ULK2: variants seen among roughly 807,000 people sequenced by gnomAD.
ULK2 encodes the protein serine/threonine-protein kinase ULK2.
ULK2 carries 76 observed loss-of-function variants against 127.5 expected under a neutral mutation model. The ratio of observed to expected loss-of-function variants is 0.60; its 90% CI spans 0.50 to 0.72. The LOEUF is 0.72. Among genes scored for constraint, ULK2 ranks in the 30% least tolerant of loss-of-function variants. ULK2 has a pLI of 0.00. For missense variants in ULK2, 1,144 were observed against 1,295.9 expected, an observed-to-expected ratio of 0.88 and a Z score of 1.80; for synonymous variants, 452 against 461.9, an observed-to-expected ratio of 0.98 and a Z score of 0.28.
At chr17:19,858,925 G>A (rs1597822991) in intron 3 of ULK2, among the ~76,000 whole-genome samples, 1 of 151,826 alleles carries the variant, frequency 6.6e-6, no homozygotes, top group East Asian at 1.9e-4. Context: ...AGCCAGGATC[G>A]TGCCACTGCA....
rs534964461 is a variant in ULK2 at position 19,827,650 on chromosome 17, G to A, written c.788-1464C>T. Among the ~76,000 whole-genome samples the A allele has an allele frequency of 1.2e-4, 19 of 152,242 alleles. 1 individual carries two copies. Among genetic ancestry groups the A allele is most frequent in the African/African-American group, 3.6e-4 (15 of 41,558 alleles). On this transcript the variant is annotated intron_variant, in intron 10 of 26. Coordinates refer to ENST00000395544, the MANE Select transcript of ULK2 (RefSeq NM_014683.4). The stretch of plus-strand genomic sequence containing the variant: ...GGTTGGACCGGGCGTGGTGGCTCAC[G>A]CCTATAATCCCAGCACTTTGGGAGG...
rs1481181145 is a variant in ULK2, at chr17:19,830,207, T to C, written c.788-4021A>G. On this transcript the variant is annotated intron_variant, in intron 10 of 26. Transcript: ENST00000395544. ...CCACAAAACAAGTCTTAATAATTTTTTTTTTTAATCAGAGACAATGTTGCG... is the reference window on the plus strand; with the variant it reads ...CCACAAAACAAGTCTTAATAATTTTCTTTTTTAATCAGAGACAATGTTGCG... Among the ~76,000 whole-genome samples the C allele has an allele frequency of 2.6e-5, 4 of 152,074 alleles. No individual in the cohort carries two copies. In the South Asian group the frequency reaches 6.2e-4, roughly 24 times the overall value.
At chr17:19,851,794 G>A (rs2042021679) in intron 3 of ULK2, among the ~76,000 whole-genome samples, 1 of 151,948 alleles carries the variant, frequency 6.6e-6, no homozygotes, top group African/African-American at 2.4e-5. Flanking sequence ...GGAGGCCAAG[G>A]CGGGTCGGAT....
intron 20 of ULK2, among the ~76,000 whole-genome samples, chr17:19,788,385 T>C (rs1205259767): frequency 4.0e-5 from 6 of 151,718 alleles, no homozygotes; most frequent in African/African-American, 7.3e-5. Flanking sequence ...TCAGCCACAG[T>C]AGGACGAGCC....
chr17:19,823,742 C>G (rs1197118046), intron 12 of ULK2, among the ~76,000 whole-genome samples: 1 of 152,178 alleles, frequency 6.6e-6, no homozygotes, highest in African/African-American at 2.4e-5. Context: ...AGCAGCAGGG[C>G]TAGGATTGGT....
At chr17:19,822,682 T>A (rs1418759684) in intron 12 of ULK2, among the ~76,000 whole-genome samples, 1 of 151,768 alleles carries the variant, frequency 6.6e-6, no homozygotes, top group Non-Finnish European at 1.5e-5. Flanking sequence ...TACTGTTTTT[T>A]GTTTGGTTTG....
chr17:19,822,664 G>A (rs963548618), intron 12 of ULK2, among the ~76,000 whole-genome samples: 5 of 150,510 alleles, frequency 3.3e-5, no homozygotes, highest in African/African-American at 9.7e-5. Context: ...CACCACACCC[G>A]GCCCGTTTAC....
At chr17:19,780,840 A>G in intron 24 of ULK2, 146 bp downstream of exon 24, 2 of 956,230 alleles carry the variant, frequency 2.1e-6, no homozygotes, top group Non-Finnish European at 3.1e-6. Flanking sequence ...GAACTGCAAA[A>G]AGCTAACAAC....
At chr17:19,830,422 A>C (rs2041408692) in intron 10 of ULK2, among the ~76,000 whole-genome samples, 1 of 152,028 alleles carries the variant, frequency 6.6e-6, no homozygotes, top group East Asian at 1.9e-4. Flanking sequence ...GGCTAATCTC[A>C]AACTCCTGGC....
In ULK2 at chr17:19,838,577, G is replaced by A. The variant is rs776239368; in HGVS notation, c.711C>T (p.Pro237=). Residue 237 remains proline (P), a synonymous_variant, in exon 10 of 27, where the codon CCC becomes CCT. Transcript: ENST00000395544. The part of the protein sequence containing the change: ...EKNRSLMPSI[P]RETSPYLANL... The stretch of plus-strand genomic sequence containing the variant: ...TAGCCAAATAAGGTGATGTTTCTCT[G>A]GGAATACTGGGGGAAAGGAAAAACA... 3 of 1,611,752 alleles carry A rather than the reference G, an allele frequency of 1.9e-6. No homozygotes were observed. The South Asian group carries it at 3.3e-5, about 18-fold the overall frequency.
chr17:19,855,491 T>C (rs1225027578), intron 3 of ULK2, among the ~76,000 whole-genome samples: 2 of 140,900 alleles, frequency 1.4e-5, no homozygotes, highest in Non-Finnish European at 3.0e-5. Flanking sequence ...TCCCAGCTAC[T>C]GGGTAAGCTA....
intron 12 of ULK2, among the ~76,000 whole-genome samples, chr17:19,819,784 CCTTT>C (rs2041090516): frequency 1.3e-5 from 2 of 152,182 alleles, no homozygotes. Flanking sequence ...GCGCTCTTTG[CCTTT>C]CTCTTACCTG....
intron 8 of ULK2, 24 bp from the exon 9 acceptor site, chr17:19,841,571 T>A (rs768379750): frequency 1.3e-6 from 2 of 1,542,220 alleles, no homozygotes; most frequent in Non-Finnish European, 1.7e-6. Flanking sequence ...AAAGGTTTAA[T>A]TTCCTAAACA....
rs397943235 is a variant in ULK2, at chr17:19,824,446, C to CAA, written c.924+646_924+647dup. Among the ~76,000 whole-genome samples, 62 of 9,894 alleles carry CAA rather than the reference C, an allele frequency of 6.3e-3. 6 individuals carry two copies. Among genetic ancestry groups the CAA allele is most frequent in the East Asian group, 0.04 (14 of 352 alleles). The allele number at this position is 9,894 out of a possible 152,430, so 6.5% of individuals were successfully genotyped here. ...TGGGCGACAGAGCGAAACTCCATCT[C>CAA]AAAAAAAAAAAAAAAAAAAAAAAAA... On this transcript the variant is annotated intron_variant, in intron 12 of 26. Transcript: ENST00000395544.
At chr17:19,847,514 T>C (rs1160778055) in intron 5 of ULK2, among the ~76,000 whole-genome samples, 2 of 152,190 alleles carry the variant, frequency 1.3e-5, no homozygotes, top group Non-Finnish European at 2.9e-5. Context: ...AAAGAGGTGA[T>C]ATGAACATTA....
At chr17:19,778,395 G>T (rs1353356209) in intron 25 of ULK2, among the ~76,000 whole-genome samples, 1 of 152,194 alleles carries the variant, frequency 6.6e-6, no homozygotes, top group East Asian at 1.9e-4. Flanking sequence ...AGGAGGTGCT[G>T]TTTGTGCTGA....
Position 19,856,439 on chromosome 17 carries a change from G to A in ULK2, c.226-6665C>T, listed in dbSNP as rs147254660. Among the ~76,000 whole-genome samples, 383 of 150,556 alleles carry A rather than the reference G, an allele frequency of 2.5e-3. 16 individuals are homozygous for A. In the East Asian group the frequency reaches 0.063, roughly 25 times the overall value. On this transcript the variant is annotated intron_variant, in intron 3 of 26. Coordinates refer to ENST00000395544, the MANE Select transcript of ULK2 (RefSeq NM_014683.4). ...CTACTAAAAATACAAAAAATTAGCC[G>A]GGTATGGTGGCAGGTGCCTGTAGTC...
chr17:19,841,108 C>T (rs1317080950), intron 9 of ULK2, among the ~76,000 whole-genome samples: 1 of 151,944 alleles, frequency 6.6e-6, no homozygotes, highest in African/African-American at 2.4e-5. Context: ...CATTCAAACA[C>T]GTATAAAGAA....
chr17:19,849,153 G>T (rs1027672273), intron 5 of ULK2, among the ~76,000 whole-genome samples: 4 of 152,050 alleles, frequency 2.6e-5, no homozygotes, highest in African/African-American at 9.7e-5. Context: ...ACACAAAAAG[G>T]TAAATACTTA....
Sources: allele counts gnomAD v4.1 joint callset (sites outside exome capture counted in the v4.1 genomes callset), GRCh38; gene constraint gnomAD v4.1.1; transcripts MANE v1.5; gene names NCBI Gene and HGNC (gene_info 2026-07-23, HGNC 2026-07-21).